The following CERS6 variants were observed in gnomAD, a reference collection of about 807,000 sequenced individuals.
CERS6 encodes LAG1 homolog, ceramide synthase 6.
CERS6 carries 26 observed loss-of-function variants against 56.8 expected under a neutral mutation model. The observed-to-expected ratio is 0.46, with a 90% CI of 0.34 to 0.63. CERS6 has a LOEUF of 0.63. CERS6 is among the 30% of genes least tolerant of loss of function. The pLI, the probability that CERS6 is intolerant of heterozygous loss-of-function variation, is 0.01. For missense variants in CERS6, 415 were observed against 467.5 expected, an observed-to-expected ratio of 0.89 and a Z score of 1.04; for synonymous variants, 164 against 173.3, an observed-to-expected ratio of 0.95 and a Z score of 0.42.
At chr2:168,641,862 C>T (rs1398254206) in intron 4 of CERS6, among the ~76,000 whole-genome samples, 2 of 150,532 alleles carry the variant, frequency 1.3e-5, no homozygotes, top group African/African-American at 4.9e-5. Context: ...TGATATCCAG[C>T]CAAATAGATG....
intron 1 of CERS6, among the ~76,000 whole-genome samples, chr2:168,481,062 G>T (rs1449008931): frequency 1.3e-5 from 2 of 152,216 alleles, no homozygotes; most frequent in African/African-American, 4.8e-5. Context: ...ACCTGGGCTT[G>T]ACTCGCAGAG....
rs1022831001 is a variant in CERS6, at chr2:168,585,971, C to T, written c.407+24649C>T. ...TACGTTATCTTGAGTGCCATCCTTG[C>T]TAATGGCAGGTTAAGATACTTTAGT... On this transcript the variant is annotated intron_variant, in intron 3 of 9. Coordinates refer to ENST00000305747, the MANE Select transcript of CERS6 (RefSeq NM_203463.3). Among the ~76,000 whole-genome samples the T allele has an allele frequency of 2.6e-5, 4 of 152,118 alleles. No homozygotes were observed. In the South Asian group the frequency reaches 6.2e-4, roughly 24 times the overall value.
intron 6 of CERS6, among the ~76,000 whole-genome samples, chr2:168,697,117 C>T (rs1443058316): frequency 6.6e-6 from 1 of 152,170 alleles, no homozygotes; most frequent in Non-Finnish European, 1.5e-5. Flanking sequence ...ATGCTCCTTC[C>T]ACCATCCTAC....
At chr2:168,542,435 G>A (rs1695389279) in intron 1 of CERS6, among the ~76,000 whole-genome samples, 1 of 152,100 alleles carries the variant, frequency 6.6e-6, no homozygotes, top group Non-Finnish European at 1.5e-5. Flanking sequence ...ATTTATATAT[G>A]TGTGAGATTT....
chr2:168,570,972 A>T (rs571395038), intron 3 of CERS6, among the ~76,000 whole-genome samples: 12 of 152,298 alleles, frequency 7.9e-5, no homozygotes, highest in African/African-American at 2.9e-4. Flanking sequence ...TGGTAAAGTT[A>T]TTTAATATCT....
In CERS6 at chr2:168,599,494, G is replaced by A. The variant is rs114488303; in HGVS notation, c.408-31491G>A. 2.7e-3 allele frequency among the ~76,000 whole-genome samples: 406 copies of A among 152,236 alleles called. 4 individuals carry two copies. Among genetic ancestry groups the A allele is most frequent in the African/African-American group, 8.6e-3 (357 of 41,550 alleles). ...AGGAAATATCAACTCATTTTAAAAC[G>A]AACATTGTCGGAGTAAATCCAACTG... is the stretch of plus-strand genomic sequence containing the variant. On this transcript the variant is annotated intron_variant, in intron 3 of 9. Transcript: ENST00000305747.
rs140192963 is a variant in CERS6, at chr2:168,754,392, C to T, written c.846-11200C>T. ...AGTTTTCAGAAATTTTTTCAGATCA[C>T]AGATGAACCTATTAGTTAATACATT... On this transcript the variant is annotated intron_variant, in intron 8 of 9. Coordinates refer to ENST00000305747, the MANE Select transcript of CERS6 (RefSeq NM_203463.3). 3.7e-3 allele frequency among the ~76,000 whole-genome samples: 556 copies of T among 152,280 alleles called. 3 individuals are homozygous for T. Among genetic ancestry groups the T allele is most frequent in the African/African-American group, 0.013 (540 of 41,548 alleles).
chr2:168,651,400 C>A (rs1319971151), intron 4 of CERS6, among the ~76,000 whole-genome samples: 3 of 152,112 alleles, frequency 2.0e-5, no homozygotes, highest in African/African-American at 7.2e-5. Flanking sequence ...CACATTAATT[C>A]TGTGAATTAA....
chr2:168,640,546 T>C (rs1684964585), intron 4 of CERS6, among the ~76,000 whole-genome samples: 1 of 152,222 alleles, frequency 6.6e-6, no homozygotes, highest in South Asian at 2.1e-4. Flanking sequence ...GCCAAGGCTA[T>C]TATTGCTCTT....
intron 8 of CERS6, among the ~76,000 whole-genome samples, chr2:168,760,608 T>C (rs16855790): frequency 0.048 from 7,271 of 152,210 alleles, 570 homozygotes; most frequent in African/African-American, 0.16. Context: ...TTAAAGTACA[T>C]ACTCCTGAAG....
rs370817476 is a variant in CERS6 at position 168,488,554 on chromosome 2, T to G, written c.170+31936T>G. ...TTTAGATCATTTTTGTTTAATATAG[T>G]TAGTGACATGATTGGATTTAGACAC... On this transcript the variant is annotated intron_variant, in intron 1 of 9. Transcript: ENST00000305747. 6.6e-5 allele frequency among the ~76,000 whole-genome samples: 10 copies of G among 152,190 alleles called. No homozygotes were observed. The East Asian group carries it at 1.5e-3, about 24-fold the overall frequency.
intron 1 of CERS6, among the ~76,000 whole-genome samples, chr2:168,528,405 T>G (rs1695107165): frequency 6.6e-6 from 1 of 152,230 alleles, no homozygotes; most frequent in South Asian, 2.1e-4. Context: ...CTAGGGCTGG[T>G]GGCTGTTCCT....
At chr2:168,540,664 A>G (rs977370735) in intron 1 of CERS6, among the ~76,000 whole-genome samples, 4 of 152,258 alleles carry the variant, frequency 2.6e-5, no homozygotes, top group South Asian at 4.1e-4. Flanking sequence ...TAAGTGATGC[A>G]TAACTGTACT....
At chr2:168,646,815 G>C (rs1685214907) in intron 4 of CERS6, among the ~76,000 whole-genome samples, 1 of 151,842 alleles carries the variant, frequency 6.6e-6, no homozygotes, top group African/African-American at 2.4e-5. Flanking sequence ...CCCATTGCTT[G>C]TTTTTGTCAA....
intron 1 of CERS6, among the ~76,000 whole-genome samples, chr2:168,547,168 G>T (rs981051945): frequency 6.6e-6 from 1 of 152,210 alleles, no homozygotes; most frequent in Non-Finnish European, 1.5e-5. Context: ...ACTACGGGTG[G>T]TCAAAGCGCT....
intron 6 of CERS6, among the ~76,000 whole-genome samples, chr2:168,701,342 A>G (rs1343941906): frequency 6.6e-6 from 1 of 152,140 alleles, no homozygotes; most frequent in Admixed American, 6.5e-5. Context: ...CTCTCAAAAT[A>G]TGCTCTTTGA....
In CERS6 at chr2:168,590,989, A is replaced by G. The variant is rs115532606; in HGVS notation, c.407+29667A>G. Reference sequence around the variant, plus strand: ...GGCATTAACACCCCATGTTAGTGCCATCTCTTTGTATATGCTTGCTTCAAT... The same window carrying G: ...GGCATTAACACCCCATGTTAGTGCCGTCTCTTTGTATATGCTTGCTTCAAT... On this transcript the variant is annotated intron_variant, in intron 3 of 9. Transcript: ENST00000305747. Among the ~76,000 whole-genome samples the G allele has an allele frequency of 4.4e-3, 669 of 152,328 alleles. 7 individuals carry two copies. Among genetic ancestry groups the G allele is most frequent in the African/African-American group, 0.015 (623 of 41,576 alleles).
intron 4 of CERS6, among the ~76,000 whole-genome samples, chr2:168,667,518 A>T (rs1045830065): frequency 6.6e-6 from 1 of 152,166 alleles, no homozygotes; most frequent in African/African-American, 2.4e-5. Context: ...ACTTGAGTGC[A>T]TTTGTTCCTC....
chr2:168,607,659 C>T (rs569344726), intron 3 of CERS6, among the ~76,000 whole-genome samples: 4 of 152,240 alleles, frequency 2.6e-5, no homozygotes, highest in Admixed American at 2.0e-4. Flanking sequence ...GGATTACAGG[C>T]GTGAGCCACT....
Sources: gnomAD v4.1 joint callset for allele counts (sites outside exome capture counted in the v4.1 genomes callset) on GRCh38, gnomAD v4.1.1 for gene constraint, MANE v1.5 for transcripts, NCBI Gene and HGNC (gene_info 2026-07-23, HGNC 2026-07-21) for gene names.